The following CEP126 variants were observed in gnomAD, a reference collection of about 807,000 sequenced individuals.
CEP126 encodes the protein centrosomal protein 126.
CEP126 carries 74 observed loss-of-function variants against 107.8 expected under a neutral mutation model. The ratio of observed to expected loss-of-function variants is 0.69; its 90% CI spans 0.57 to 0.83. CEP126 has a LOEUF of 0.83. Among genes scored for constraint, CEP126 ranks in the 40% least tolerant of loss-of-function variants. CEP126 has a pLI of 0.00. For synonymous variants in CEP126, 449 were observed against 446.0 expected (o/e 1.01, Z -0.08); for missense variants, 1,237 against 1,281.9 (o/e 0.96, Z 0.53).
intron 8 of CEP126, 123 bp from the exon 9 acceptor site, chr11:101,986,709 G>A (rs1941319749): frequency 4.8e-6 from 3 of 620,338 alleles, no homozygotes; most frequent in Admixed American, 5.7e-5. Flanking sequence ...TATTTGCTAG[G>A]TTTCTGCTTG....
At chr11:101,985,988 ATTTCTTTTTTT>A (rs1941312376) in intron 8 of CEP126, among the ~76,000 whole-genome samples, 1 of 126,458 alleles carries the variant, frequency 7.9e-6, no homozygotes, top group African/African-American at 3.0e-5. Context: ...CTCTGAATTG[ATTTCTTTTTTT>A]TTTTTTTTTT....
intron 4 of CEP126, among the ~76,000 whole-genome samples, chr11:101,951,881 G>A (rs953050868): frequency 6.6e-6 from 1 of 152,122 alleles, no homozygotes; most frequent in Non-Finnish European, 1.5e-5. Flanking sequence ...ATATATTGTT[G>A]CTTAATTTTC....
chr11:101,926,578 A>G (rs745945762), intron 2 of CEP126, among the ~76,000 whole-genome samples: 3 of 152,208 alleles, frequency 2.0e-5, no homozygotes, highest in African/African-American at 4.8e-5. Flanking sequence ...AACAGGCTGG[A>G]GGCAAAGAGT....
At position 101,963,546 on chromosome 11, in the gene CEP126, T is replaced by G; in HGVS notation, c.2511T>G (p.Ser837=). 6.2e-7 allele frequency: 1 copy of G among 1,614,154 alleles called. No individual in the cohort carries two copies. Among genetic ancestry groups the G allele is most frequent in the East Asian group, 2.2e-5 (1 of 44,886 alleles). The change falls in exon 6 of 11, where the codon TCT becomes TCG. Residue 837 remains serine, a synonymous_variant. Transcript: ENST00000263468. Reference sequence around the variant, plus strand: ...CTCAAAACATTATTACACATAACTCTTTTAATTCAAAACATGTGCTTCCAA... The same window carrying G: ...CTCAAAACATTATTACACATAACTCGTTTAATTCAAAACATGTGCTTCCAA... ...ENPQNIITHN[S]FNSKHVLPTE...
rs1431273279 is a variant in CEP126, at chr11:101,931,402, C to T, written c.248+8642C>T. On this transcript the variant is annotated intron_variant, in intron 2 of 10. Transcript: ENST00000263468. ...TAGGATTTCAAATAATTTTATGTCT[C>T]GGAAAGCACAGGATTATAATCTGGG... 3.9e-5 allele frequency among the ~76,000 whole-genome samples: 6 copies of T among 152,112 alleles called. No individual in the cohort carries two copies. The East Asian group carries it at 9.6e-4, about 24-fold the overall frequency.
At chr11:101,970,347 A>G (rs989738268) in intron 6 of CEP126, among the ~76,000 whole-genome samples, 6 of 152,226 alleles carry the variant, frequency 3.9e-5, no homozygotes, top group Admixed American at 3.9e-4. Context: ...ATATTGCACA[A>G]TAAAAATGCA....
Position 101,963,236 on chromosome 11 carries a change from G to C in CEP126, c.2201G>C (p.Ser734Thr). The C allele has an allele frequency of 1.2e-6, 2 of 1,613,962 alleles. No individual in the cohort carries two copies. Among genetic ancestry groups the C allele is most frequent in the Non-Finnish European group, 1.7e-6 (2 of 1,180,000 alleles). ...HAWPASKKEE[S>T]KIPVHDDSKT... ...TGGCCAGCCTCAAAAAAAGAAGAAA[G>C]TAAAATCCCTGTACATGATGATTCT... Residue 734 changes from serine (S) to threonine (T), a missense_variant, in exon 6 of 11, where the codon AGT becomes ACT. By Grantham distance (58) the Ser-to-Thr change is moderately conservative. This residue lies in a region of CEP126 where 1,134 missense variants were observed against 1,150.5 expected (regional missense o/e 0.99). Coordinates refer to ENST00000263468, the MANE Select transcript of CEP126 (RefSeq NM_020802.4).
chr11:101,986,767 T>TA (rs1941320857), intron 8 of CEP126, 65 bp from the exon 9 acceptor site: 1 of 1,135,980 alleles, frequency 8.8e-7, no homozygotes, highest in Non-Finnish European at 1.3e-6. Flanking sequence ...TATATGTAAG[T>TA]ATATATAAGG....
Position 101,963,205 on chromosome 11 carries a change from C to T in CEP126, c.2170C>T (p.His724Tyr), listed in dbSNP as rs771080380. ...ACCTTCAGGTTATAACTTTGCTAAA[C>T]ATGCCTGGCCAGCCTCAAAAAAAGA... ...FIPSGYNFAKHAWPASKKEES... is the reference protein window; with the variant it reads ...FIPSGYNFAKYAWPASKKEES... The change falls in exon 6 of 11, where the codon CAT becomes TAT. Residue 724 changes from histidine to tyrosine, a missense_variant. This residue lies in a region of CEP126 where 1,134 missense variants were observed against 1,150.5 expected (regional missense o/e 0.99). Transcript: ENST00000263468. 2.5e-6 allele frequency: 4 copies of T among 1,613,866 alleles called. No individual in the cohort carries two copies. The African/African-American group carries it at 4.0e-5, about 16-fold the overall frequency.
intron 6 of CEP126, among the ~76,000 whole-genome samples, chr11:101,966,935 C>G (rs1440051472): frequency 1.3e-5 from 2 of 151,932 alleles, no homozygotes; most frequent in African/African-American, 4.8e-5. Context: ...CTTTTCCCTA[C>G]TCTTACTCCT....
chr11:101,990,884 T>C (rs1941371172), intron 9 of CEP126, among the ~76,000 whole-genome samples: 1 of 152,068 alleles, frequency 6.6e-6, no homozygotes, highest in Admixed American at 6.6e-5. Context: ...GTAATGTTAG[T>C]AATTACTGTT....
chr11:101,955,615 C>T (rs570456224), intron 4 of CEP126, among the ~76,000 whole-genome samples: 3 of 152,116 alleles, frequency 2.0e-5, no homozygotes, highest in South Asian at 2.1e-4. Context: ...AAGCTATGTA[C>T]GTTTTTCAGT....
intron 4 of CEP126, chr11:101,956,739 C>G (rs1219966643): frequency 2.2e-6 from 1 of 455,112 alleles, no homozygotes; most frequent in Non-Finnish European, 4.4e-6. Flanking sequence ...TCTCCAGTTT[C>G]TCCTGTTTCT....
At position 101,915,380 on chromosome 11, in the gene CEP126, G is replaced by C; in HGVS notation, c.96G>C (p.Glu32Asp). Residue 32 changes from glutamate (E) to aspartate (D), a missense_variant, in exon 1 of 11, where the codon GAG (glutamate) becomes GAC (aspartate). Coordinates refer to ENST00000263468, the MANE Select transcript of CEP126 (RefSeq NM_020802.4). ...NLDRAPLGPR[E>D]SGGHHRPGSY... is the part of the protein sequence containing the mutation. The stretch of plus-strand genomic sequence containing the variant: ...ACAGAGCCCCCCTCGGCCCTCGGGA[G>C]AGCGGCGGGCATCACCGACCTGGCT... 1.2e-6 allele frequency: 2 copies of C among 1,613,646 alleles called. No individual in the cohort carries two copies. The highest frequency in any genetic ancestry group is 1.7e-6 in the Non-Finnish European group (2 of 1,179,906).
At chr11:101,988,613 A>G (rs1222794241) in intron 9 of CEP126, among the ~76,000 whole-genome samples, 1 of 152,016 alleles carries the variant, frequency 6.6e-6, no homozygotes. Flanking sequence ...GAAAACAATG[A>G]AAAAAAATCA....
At chr11:101,964,090 G>A (rs1941029488) in intron 6 of CEP126, among the ~76,000 whole-genome samples, 2 of 145,452 alleles carry the variant, frequency 1.4e-5, no homozygotes, top group African/African-American at 5.1e-5. Flanking sequence ...CGGATCACTT[G>A]AGGCCAGGAG....
intron 3 of CEP126, 61 bp downstream of exon 3, chr11:101,944,471 G>A: frequency 6.9e-7 from 1 of 1,455,724 alleles, no homozygotes; most frequent in East Asian, 2.5e-5. Context: ...GACTTGAGTA[G>A]ACAATAAAAT....
intron 3 of CEP126, among the ~76,000 whole-genome samples, chr11:101,947,622 A>G (rs1461898448): frequency 6.6e-6 from 1 of 152,152 alleles, no homozygotes. Flanking sequence ...TATGTGCATT[A>G]AATGCTTAAA....
chr11:101,944,843 T>C (rs1940714575), intron 3 of CEP126, among the ~76,000 whole-genome samples: 1 of 152,154 alleles, frequency 6.6e-6, no homozygotes, highest in South Asian at 2.1e-4. Context: ...AGATAAAAAC[T>C]TGGAACCAGT....
Sources: allele counts gnomAD v4.1 joint callset (sites outside exome capture counted in the v4.1 genomes callset), GRCh38; gene constraint gnomAD v4.1.1; regional missense constraint gnomAD v4.1.1; transcripts MANE v1.5; gene names NCBI Gene and HGNC (gene_info 2026-07-23, HGNC 2026-07-21).